Variants in PLCB1 observed in about 807,000 individuals in gnomAD.
PLCB1 encodes the protein phospholipase C beta 1.
Under a neutral mutation model 161.8 loss-of-function variants are expected in PLCB1, and 46 were observed. The observed-to-expected ratio is 0.28, with a 90% CI of 0.22 to 0.36. The LOEUF (loss-of-function observed/expected upper bound fraction) is 0.36. Ranked by LOEUF, PLCB1 falls within the 10% of genes least tolerant of loss-of-function variation. The pLI, the probability that PLCB1 is intolerant of heterozygous loss-of-function variation, is 1.00. For synonymous variants in PLCB1, 517 were observed against 503.7 expected (o/e 1.03, Z -0.35); for missense variants, 1,016 against 1,472.5 (o/e 0.69, Z 5.07).
chr20:8,628,407 G>A lies in PLCB1; in HGVS notation c.360G>A (p.Val120=). The change falls in exon 4 of 32, where the codon GTG becomes GTA. Residue 120 remains valine, a synonymous_variant. Transcript: ENST00000338037. ...TGAACATCTCCCATTTGAATCTCGTGGCTTTCCAAGAAGAAGTGGCCAAGG... is the reference window on the plus strand; with the variant it reads ...TGAACATCTCCCATTTGAATCTCGTAGCTTTCCAAGAAGAAGTGGCCAAGG... ...DLVNISHLNL[V]AFQEEVAKEW... 6.2e-7 allele frequency: 1 copy of A among 1,614,012 alleles called. No individual in the cohort carries two copies. Among genetic ancestry groups the A allele is most frequent in the Admixed American group, 1.7e-5 (1 of 59,998 alleles).
intron 2 of PLCB1, among the ~76,000 whole-genome samples, chr20:8,238,725 T>C (rs1242300838): frequency 6.6e-6 from 1 of 151,006 alleles, no homozygotes; most frequent in Non-Finnish European, 1.5e-5. Context: ...GGGGGCAAAA[T>C]TGCGGGAAGT....
chr20:8,825,166 T>C (rs1985629840), intron 31 of PLCB1, among the ~76,000 whole-genome samples: 1 of 152,182 alleles, frequency 6.6e-6, no homozygotes, highest in South Asian at 2.1e-4. Flanking sequence ...GTAGACATTG[T>C]CCCTGCTCCA....
intron 3 of PLCB1, among the ~76,000 whole-genome samples, chr20:8,540,907 A>AT (rs1234592794): frequency 6.6e-6 from 1 of 152,042 alleles, no homozygotes; most frequent in Non-Finnish European, 1.5e-5. Flanking sequence ...CCCTGTATTT[A>AT]TTTATTTTTT....
chr20:8,759,649 C>T (rs891531708), intron 24 of PLCB1, among the ~76,000 whole-genome samples: 1 of 152,022 alleles, frequency 6.6e-6, no homozygotes, highest in Non-Finnish European at 1.5e-5. Flanking sequence ...TACAGGCGTG[C>T]ACCATCACAC....
intron 3 of PLCB1, among the ~76,000 whole-genome samples, chr20:8,450,164 C>T (rs1042860787): frequency 2.6e-5 from 4 of 152,172 alleles, no homozygotes; most frequent in Non-Finnish European, 5.9e-5. Context: ...CCATCCTACT[C>T]CTGGAAGTGC....
At position 8,884,154 on chromosome 20, in the gene PLCB1, A is replaced by G. The variant is rs1393664345; in HGVS notation, c.*2305A>G. ...GGCCATTTACTGTAATCACATTTTTATATCTGTACAATGACACTTTTTGCA... is the reference window on the plus strand; with the variant it reads ...GGCCATTTACTGTAATCACATTTTTGTATCTGTACAATGACACTTTTTGCA... On this transcript the variant is annotated 3_prime_UTR_variant, in exon 32 of 32. Coordinates refer to ENST00000338037, the MANE Select transcript of PLCB1 (RefSeq NM_015192.4). 1 of 152,518 alleles carries G rather than the reference A, an allele frequency of 6.6e-6. No homozygotes were observed. Among genetic ancestry groups the G allele is most frequent in the African/African-American group, 2.4e-5 (1 of 41,456 alleles). 9.4% of individuals were successfully genotyped at this position (152,518 alleles called of 1,614,324 possible). A position where few individuals can be genotyped will look rare whatever the true frequency, so the allele number is the denominator to read the frequency against.
chr20:8,487,723 T>C (rs867347268), intron 3 of PLCB1, among the ~76,000 whole-genome samples: 1 of 152,196 alleles, frequency 6.6e-6, no homozygotes, highest in South Asian at 2.1e-4. Context: ...CAGATCTGTT[T>C]CGATAAAGGG....
intron 3 of PLCB1, among the ~76,000 whole-genome samples, chr20:8,377,834 C>T (rs977490646): frequency 2.6e-5 from 4 of 152,132 alleles, no homozygotes; most frequent in Non-Finnish European, 5.9e-5. Flanking sequence ...GCCTGCTAGA[C>T]TTTTACCTGA....
chr20:8,679,717 T>C (rs887984168), intron 9 of PLCB1, among the ~76,000 whole-genome samples: 1 of 152,228 alleles, frequency 6.6e-6, no homozygotes, highest in African/African-American at 2.4e-5. Context: ...TGAAGACTTT[T>C]AAATGCCATT....
At chr20:8,400,871 G>A (rs1978520222) in intron 3 of PLCB1, among the ~76,000 whole-genome samples, 1 of 151,946 alleles carries the variant, frequency 6.6e-6, no homozygotes, top group Non-Finnish European at 1.5e-5. Flanking sequence ...TCATCTTTGG[G>A]CACAATACAG....
At chr20:8,861,747 AAG>A (rs1568628504) in intron 31 of PLCB1, among the ~76,000 whole-genome samples, 1 of 151,374 alleles carries the variant, frequency 6.6e-6, no homozygotes, top group African/African-American at 2.4e-5. Flanking sequence ...AAAAAAAAAA[AAG>A]AGATCAACTT....
chr20:8,330,180 T>C (rs780510475), intron 2 of PLCB1, among the ~76,000 whole-genome samples: 1 of 152,326 alleles, frequency 6.6e-6, no homozygotes, highest in South Asian at 2.1e-4. Flanking sequence ...CATTTATAAT[T>C]GCTTATCACG....
At chr20:8,802,098 G>C in intron 31 of PLCB1, 1 of 1,613,148 alleles carries the variant, frequency 6.2e-7, no homozygotes, top group Non-Finnish European at 8.5e-7. Flanking sequence ...TTGCCATGAG[G>C]ATCCCTCTGT....
chr20:8,205,227 T>C (rs184866156), intron 2 of PLCB1, among the ~76,000 whole-genome samples: 159 of 152,328 alleles, frequency 1.0e-3, no homozygotes, highest in Admixed American at 3.2e-3. Flanking sequence ...TTTTTTCTTA[T>C]CTACTTTTCT....
chr20:8,353,661 T>A (rs1424664506), intron 2 of PLCB1, among the ~76,000 whole-genome samples: 18 of 152,102 alleles, frequency 1.2e-4, no homozygotes. Flanking sequence ...AAACATCCTG[T>A]ACCCATATTA....
At chr20:8,300,545 T>TTTA (rs1215470238) in intron 2 of PLCB1, among the ~76,000 whole-genome samples, 1 of 152,112 alleles carries the variant, frequency 6.6e-6, no homozygotes, top group African/African-American at 2.4e-5. Context: ...GTGGTTTTTT[T>TTTA]TTATTATTAT....
chr20:8,136,401 C>T (rs1568565481), intron 1 of PLCB1, among the ~76,000 whole-genome samples: 1 of 152,170 alleles, frequency 6.6e-6, no homozygotes, highest in Admixed American at 6.5e-5. Flanking sequence ...CCGAGGCGGG[C>T]AGATCACAAG....
At chr20:8,575,299 T>C (rs1414621488) in intron 3 of PLCB1, among the ~76,000 whole-genome samples, 1 of 152,202 alleles carries the variant, frequency 6.6e-6, no homozygotes, top group Non-Finnish European at 1.5e-5. Flanking sequence ...AGCTTATACT[T>C]AGCCCCAGCC....
intron 10 of PLCB1, 41 bp downstream of exon 10, chr20:8,685,119 C>T (rs761872714): frequency 1.1e-5 from 17 of 1,556,512 alleles, no homozygotes; most frequent in South Asian, 5.6e-5. Context: ...GCCAGTCTCA[C>T]CAAATTTCAC....
Sources: gnomAD v4.1 joint callset for allele counts (sites outside exome capture counted in the v4.1 genomes callset) on GRCh38, gnomAD v4.1.1 for gene constraint, MANE v1.5 for transcripts, NCBI Gene and HGNC (gene_info 2026-07-23, HGNC 2026-07-21) for gene names.